Variants in AK7 observed in about 807,000 individuals in gnomAD.
AK7 encodes adenylate kinase 7.
AK7 carries 78 observed loss-of-function variants against 96.6 expected under a neutral mutation model. The observed-to-expected ratio is 0.81, with a 90% CI of 0.67 to 0.97. AK7 has a LOEUF of 0.97. Ranked by LOEUF, AK7 falls within the 50% of genes least tolerant of loss-of-function variation. The probability of loss-of-function intolerance (pLI) is 0.00; values close to 1 mark genes in which losing one functional copy is unlikely to be tolerated. For synonymous variants in AK7, 302 were observed against 317.2 expected (o/e 0.95, Z 0.51); for missense variants, 855 against 887.9 (o/e 0.96, Z 0.47).
chr14:96,393,795 C>G (rs766071847), intron 1 of AK7, among the ~76,000 whole-genome samples: 26 of 151,740 alleles, frequency 1.7e-4, no homozygotes, highest in Admixed American at 4.0e-4. Flanking sequence ...CTATTTAACC[C>G]AGTGTACCAT....
At chr14:96,407,580 C>CTTTTTT (rs11364736) in intron 3 of AK7, among the ~76,000 whole-genome samples, 18 of 60,344 alleles carry the variant, frequency 3.0e-4, no homozygotes, top group African/African-American at 5.8e-4. Flanking sequence ...TCTTTCTTTT[C>CTTTTTT]TTTTTTTTTT....
chr14:96,453,552 T>C (rs1026236234), intron 10 of AK7, among the ~76,000 whole-genome samples: 2 of 152,192 alleles, frequency 1.3e-5, no homozygotes, highest in African/African-American at 4.8e-5. Context: ...GAAAAGTCAT[T>C]GCTGCTTCAG....
At chr14:96,478,376 C>A in intron 14 of AK7, 89 bp from the exon 15 acceptor site, 1 of 1,353,682 alleles carries the variant, frequency 7.4e-7, no homozygotes. Context: ...GAGGTCTTGG[C>A]TGGTAACCAG....
intron 4 of AK7, among the ~76,000 whole-genome samples, chr14:96,419,977 C>T (rs1171736978): frequency 1.3e-5 from 2 of 150,716 alleles, no homozygotes; most frequent in East Asian, 2.0e-4. Context: ...TTAGCAGAGA[C>T]GGGGTTTCAT....
At chr14:96,453,699 C>T (rs1204493775) in intron 10 of AK7, among the ~76,000 whole-genome samples, 2 of 152,108 alleles carry the variant, frequency 1.3e-5, no homozygotes, top group Non-Finnish European at 2.9e-5. Context: ...AGTAAATATA[C>T]CAAATATGTG....
chr14:96,440,583 T>C (rs971238863), intron 6 of AK7, among the ~76,000 whole-genome samples: 3 of 152,190 alleles, frequency 2.0e-5, no homozygotes, highest in Non-Finnish European at 2.9e-5. Context: ...ATCCAAACTA[T>C]ACCTACAGTC....
chr14:96,472,637 A>G lies in AK7; in HGVS notation c.1487-50A>G, dbSNP rs751577171. The G allele has an allele frequency of 4.7e-5, 70 of 1,490,416 alleles. 2 individuals are homozygous for G. The South Asian group carries it at 7.8e-4, about 17-fold the overall frequency. 92.3% of individuals were successfully genotyped at this position (1,490,416 alleles called of 1,614,324 possible). ...TATTTGGAATTTTTTGCTGTGATCC[A>G]TAGTAATAATATATTAATAAACACA... On this transcript the variant is annotated intron_variant, in intron 13 of 17. Transcript: ENST00000267584.
chr14:96,462,466 T>G (rs922895939), intron 12 of AK7, among the ~76,000 whole-genome samples: 4 of 152,198 alleles, frequency 2.6e-5, no homozygotes, highest in African/African-American at 9.7e-5. Flanking sequence ...TTCCAATGAT[T>G]CTAGCAAAAC....
chr14:96,446,495 T>C (rs1424818073), intron 7 of AK7, 22 bp from the exon 8 acceptor site: 2 of 1,607,280 alleles, frequency 1.2e-6, no homozygotes, highest in Non-Finnish European at 1.7e-6. Flanking sequence ...CTTTGATGAT[T>C]ATTTTACCTG....
In AK7 at chr14:96,404,759, C is replaced by A; in HGVS notation, c.297C>A (p.Ala99=). 6.3e-7 allele frequency: 1 copy of A among 1,591,710 alleles called. No individual in the cohort carries two copies. Among genetic ancestry groups the A allele is most frequent in the Non-Finnish European group, 8.6e-7 (1 of 1,162,076 alleles). ...RPDFAVETYS[A]ISREDLLMRL... ...TGGCTGTCAATTTTCTTTTTCAGGC[C>A]ATCTCTCGAGAAGACCTTCTCATGC... is the stretch of plus-strand genomic sequence containing the variant. Residue 99 remains alanine, a splice_region_variant and synonymous_variant, in exon 3 of 18, where the codon GCC becomes GCA. Coordinates refer to ENST00000267584, the MANE Select transcript of AK7 (RefSeq NM_152327.5).
chr14:96,451,526 A>G lies in AK7; in HGVS notation c.1054A>G (p.Ile352Val). 1.3e-6 allele frequency: 2 copies of G among 1,597,748 alleles called. No individual in the cohort carries two copies. The highest frequency in any genetic ancestry group is 1.3e-5 in the African/African-American group (1 of 74,590). ...TGCCCAAACAGGATTTGTGGAAAAT[A>G]TCAACACTATCCTCAAGGAGTACAA... Reference protein sequence around the residue: ...WAAQTGFVENINTILKEYKQS... With the variant: ...WAAQTGFVENVNTILKEYKQS... Residue 352 changes from isoleucine (I) to valine (V), a missense_variant, in exon 10 of 18, where the codon ATC (isoleucine) becomes GTC (valine). Ile to Val is a conservative substitution (Grantham distance 29). Coordinates refer to ENST00000267584, the MANE Select transcript of AK7 (RefSeq NM_152327.5).
intron 14 of AK7, 118 bp from the exon 15 acceptor site, chr14:96,478,347 A>T: frequency 1.0e-6 from 1 of 971,634 alleles, no homozygotes; most frequent in Non-Finnish European, 1.6e-6. Context: ...CCAATTGGAC[A>T]GGCTATTTGT....
At chr14:96,401,923 G>T (rs1890432325) in intron 2 of AK7, among the ~76,000 whole-genome samples, 1 of 152,140 alleles carries the variant, frequency 6.6e-6, no homozygotes, top group African/African-American at 2.4e-5. Flanking sequence ...TCCACATTTG[G>T]GTCTTCTGTG....
intron 5 of AK7, among the ~76,000 whole-genome samples, chr14:96,427,725 G>A (rs945314142): frequency 3.3e-5 from 5 of 152,046 alleles, no homozygotes; most frequent in Middle Eastern, 6.8e-3. Context: ...TCTCTTACTC[G>A]ACTTCCTCTT....
rs907048657 is a variant in AK7, at chr14:96,488,387, T to C, written c.*44T>C. ...TTATCTACCTTTACAGAACCACAGA[T>C]CACTTATTATACTTTGAAAAATTGC... On this transcript the variant is annotated 3_prime_UTR_variant, in exon 18 of 18. Coordinates refer to ENST00000267584, the MANE Select transcript of AK7 (RefSeq NM_152327.5). 6 of 1,567,870 alleles carry C rather than the reference T, an allele frequency of 3.8e-6. No homozygotes were observed. The highest frequency in any genetic ancestry group is 3.6e-5 in the Admixed American group (2 of 55,538).
intron 1 of AK7, among the ~76,000 whole-genome samples, chr14:96,393,114 T>C (rs1431013827): frequency 6.6e-6 from 1 of 152,188 alleles, no homozygotes; most frequent in Admixed American, 6.5e-5. Flanking sequence ...TCTTTATCCC[T>C]GGAAAATGAA....
chr14:96,393,824 A>G (rs1445943188), intron 1 of AK7, among the ~76,000 whole-genome samples: 1 of 132,502 alleles, frequency 7.5e-6, no homozygotes, highest in Non-Finnish European at 1.8e-5. Context: ...CATCCATCAA[A>G]AAACAGAGAT....
At chr14:96,487,106 G>A (rs754717056) in intron 17 of AK7, 50 bp downstream of exon 17, 100 of 1,590,018 alleles carry the variant, frequency 6.3e-5, no homozygotes, top group Middle Eastern at 1.7e-4. Context: ...TGGGTGTGGC[G>A]GCTTACACCT....
rs901163393 is a variant in AK7 at position 96,399,453 on chromosome 14, A to C, written c.294+1190A>C. On this transcript the variant is annotated intron_variant, in intron 2 of 17. Coordinates refer to ENST00000267584, the MANE Select transcript of AK7 (RefSeq NM_152327.5). The surrounding 1 kb of genome is among the most constrained non-coding windows in gnomAD (Gnocchi z 4.1). The stretch of plus-strand genomic sequence containing the variant: ...TCAAATCATTCCTGCTGTAAAAAAC[A>C]CTTAACTTGGCCTCCCTGCTGGCCA... Among the ~76,000 whole-genome samples the C allele has an allele frequency of 7.9e-5, 12 of 152,098 alleles. No homozygotes were observed. The highest frequency in any genetic ancestry group is 1.5e-4 in the Non-Finnish European group (10 of 68,012).
Sources: allele counts gnomAD v4.1 joint callset (sites outside exome capture counted in the v4.1 genomes callset), GRCh38; gene constraint gnomAD v4.1.1; non-coding constraint Gnocchi (gnomAD v3.1); transcripts MANE v1.5; gene names NCBI Gene and HGNC (gene_info 2026-07-23, HGNC 2026-07-21).